The following TTLL5 variants were observed in gnomAD, a reference collection of about 807,000 sequenced individuals.
TTLL5 encodes the protein tubulin tyrosine ligase like 5.
A neutral mutation model predicts 168.4 loss-of-function variants in TTLL5; 132 were observed. The observed-to-expected ratio is 0.78, with a 90% confidence interval of 0.68 to 0.91. The LOEUF (loss-of-function observed/expected upper bound fraction) is 0.91. Among genes scored for constraint, TTLL5 ranks in the 40% least tolerant of loss-of-function variants. TTLL5 has a pLI of 0.00. For missense variants in TTLL5, 1,545 were observed against 1,581.5 expected (o/e 0.98, Z 0.39); for synonymous variants, 546 against 558.6 (o/e 0.98, Z 0.32).
intron 31 of TTLL5, among the ~76,000 whole-genome samples, chr14:75,913,084 C>G (rs1269372958): frequency 6.6e-6 from 1 of 152,152 alleles, no homozygotes; most frequent in African/African-American, 2.4e-5. Context: ...ATCCAGATAC[C>G]TGGTCTTTTA....
intron 17 of TTLL5, 131 bp downstream of exon 17, chr14:75,745,712 T>C (rs1054717081): frequency 1.4e-6 from 1 of 702,326 alleles, no homozygotes; most frequent in Non-Finnish European, 2.4e-6. Flanking sequence ...ATGATAAATA[T>C]TATCCAACCC....
chr14:75,676,580 CACTACTCTTTTGGA>C (rs1241323583), intron 3 of TTLL5, among the ~76,000 whole-genome samples: 1 of 151,990 alleles, frequency 6.6e-6, no homozygotes, highest in African/African-American at 2.4e-5. Context: ...TCTTTTTTTG[CACTACTCTTTTGGA>C]ACATGTTCAG....
At chr14:75,854,365 CG>C (rs1897028442) in intron 28 of TTLL5, among the ~76,000 whole-genome samples, 1 of 152,114 alleles carries the variant, frequency 6.6e-6, no homozygotes, top group Non-Finnish European at 1.5e-5. Context: ...GCAGTTCATT[CG>C]TTTTTATTGA....
intron 31 of TTLL5, among the ~76,000 whole-genome samples, chr14:75,932,213 A>T (rs1429392531): frequency 6.6e-6 from 1 of 152,194 alleles, no homozygotes; most frequent in Non-Finnish European, 1.5e-5. Flanking sequence ...CATCTTTGTA[A>T]TCAACTTTTT....
At chr14:75,896,392 G>A (rs914321744) in intron 30 of TTLL5, among the ~76,000 whole-genome samples, 10 of 152,232 alleles carry the variant, frequency 6.6e-5, no homozygotes, top group African/African-American at 1.7e-4. Context: ...TCAGGTTTGG[G>A]GGTGTTTGTT....
At chr14:75,934,251 G>C (rs959230946) in intron 31 of TTLL5, among the ~76,000 whole-genome samples, 1 of 152,214 alleles carries the variant, frequency 6.6e-6, no homozygotes, top group African/African-American at 2.4e-5. Flanking sequence ...AATTACATAA[G>C]GGTATGCCTT....
chr14:75,760,309 A>G lies in TTLL5; in HGVS notation c.1551-4306A>G, dbSNP rs140755350. On this transcript the variant is annotated intron_variant, in intron 18 of 31. Coordinates refer to ENST00000298832, the MANE Select transcript of TTLL5 (RefSeq NM_015072.5). ...CATGTTCAATACCTATACAGTAAAA[A>G]CTATTAAATATTACTGAAAGAAATT... Among the ~76,000 whole-genome samples, 41 of 152,228 alleles carry G rather than the reference A, an allele frequency of 2.7e-4. No homozygotes were observed. In the East Asian group the frequency reaches 6.5e-3, roughly 24 times the overall value.
chr14:75,885,709 C>T (rs2032080471), intron 30 of TTLL5, among the ~76,000 whole-genome samples: 1 of 152,212 alleles, frequency 6.6e-6, no homozygotes, highest in African/African-American at 2.4e-5. Context: ...TATATTCTCA[C>T]TGTTCTGTAG....
At chr14:75,898,973 A>C (rs181359705) in intron 30 of TTLL5, among the ~76,000 whole-genome samples, 109 of 152,342 alleles carry the variant, frequency 7.2e-4, no homozygotes, top group South Asian at 1.9e-3. Context: ...CTAATATTTC[A>C]GACTGATGTT....
At chr14:75,895,335 A>C (rs1188298348) in intron 30 of TTLL5, among the ~76,000 whole-genome samples, 1 of 152,174 alleles carries the variant, frequency 6.6e-6, no homozygotes, top group Admixed American at 6.5e-5. Context: ...TCACAGCCTG[A>C]AAAGCAGTTA....
intron 10 of TTLL5, among the ~76,000 whole-genome samples, chr14:75,718,894 A>G (rs1418362930): frequency 6.6e-6 from 1 of 152,242 alleles, no homozygotes; most frequent in African/African-American, 2.4e-5. Flanking sequence ...GAAAGAAAGG[A>G]ATCTGGAAGT....
chr14:75,750,228 C>G (rs1889862855), intron 17 of TTLL5, among the ~76,000 whole-genome samples: 1 of 151,948 alleles, frequency 6.6e-6, no homozygotes, highest in Non-Finnish European at 1.5e-5. Context: ...ACAGTAAAGA[C>G]ACGTTAGGGC....
chr14:75,829,257 A>T (rs905651409), intron 28 of TTLL5, among the ~76,000 whole-genome samples: 30 of 152,320 alleles, frequency 2.0e-4, no homozygotes, highest in African/African-American at 7.2e-4. Context: ...AATTGCACAT[A>T]TATTTGGTGC....
chr14:75,842,876 A>G (rs1227307333), intron 28 of TTLL5, among the ~76,000 whole-genome samples: 1 of 152,154 alleles, frequency 6.6e-6, no homozygotes, highest in Non-Finnish European at 1.5e-5. Context: ...ACCCTTCCAT[A>G]CCTGGACACT....
At chr14:75,937,970 A>G (rs1595302866) in intron 31 of TTLL5, among the ~76,000 whole-genome samples, 1 of 152,128 alleles carries the variant, frequency 6.6e-6, no homozygotes, top group African/African-American at 2.4e-5. Flanking sequence ...TTACACCCCC[A>G]CCAGCCGCAC....
At chr14:75,926,075 C>G (rs1490168235) in intron 31 of TTLL5, among the ~76,000 whole-genome samples, 1 of 140,306 alleles carries the variant, frequency 7.1e-6, no homozygotes, top group African/African-American at 2.8e-5. Context: ...GGCCGTGGGC[C>G]GTGGGCCGTG....
chr14:75,769,650 A>T (rs1399872925), intron 20 of TTLL5, among the ~76,000 whole-genome samples: 9 of 152,236 alleles, frequency 5.9e-5, no homozygotes, highest in Non-Finnish European at 1.2e-4. Context: ...GTATAAAGGG[A>T]TGAATCCGTG....
At chr14:75,797,799 T>C (rs1893074241) in intron 27 of TTLL5, among the ~76,000 whole-genome samples, 1 of 152,172 alleles carries the variant, frequency 6.6e-6, no homozygotes, top group African/African-American at 2.4e-5. Context: ...TTTGATATGC[T>C]GTTGGATTAG....
intron 31 of TTLL5, among the ~76,000 whole-genome samples, chr14:75,922,087 A>T (rs2033847654): frequency 6.6e-6 from 1 of 152,282 alleles, no homozygotes; most frequent in Non-Finnish European, 1.5e-5. Flanking sequence ...TTGATTTTGT[A>T]TCCTGAGACT....
Sources: gnomAD v4.1 joint callset for allele counts (sites outside exome capture counted in the v4.1 genomes callset) on GRCh38, gnomAD v4.1.1 for gene constraint, MANE v1.5 for transcripts, NCBI Gene and HGNC (gene_info 2026-07-23, HGNC 2026-07-21) for gene names.